Variants in PRKN observed in about 807,000 individuals in gnomAD.
PRKN encodes E3 ubiquitin-protein ligase parkin.
In PRKN, 56 loss-of-function variants were observed where a neutral mutation model predicts 59.5. That is an observed-to-expected ratio of 0.94 (90% CI 0.76 to 1.18). The LOEUF is 1.18. Ranked by LOEUF, PRKN falls within the 50% of genes most tolerant of loss-of-function variation. The pLI, the probability that PRKN is intolerant of heterozygous loss-of-function variation, is 0.00. For synonymous variants in PRKN, 250 were observed against 222.1 expected, an observed-to-expected ratio of 1.13 and a Z score of -1.12; for missense variants, 657 against 596.4, an observed-to-expected ratio of 1.10 and a Z score of -1.06.
intron 7 of PRKN, among the ~76,000 whole-genome samples, chr6:161,612,800 G>A (rs1038522488): frequency 1.8e-4 from 27 of 151,590 alleles, no homozygotes; most frequent in African/African-American, 6.3e-4. Context: ...CAGGATGAGA[G>A]CACATTTGTT....
At chr6:161,541,130 G>A (rs370862589) in intron 9 of PRKN, among the ~76,000 whole-genome samples, 58 of 152,348 alleles carry the variant, frequency 3.8e-4, no homozygotes, top group African/African-American at 1.3e-3. Flanking sequence ...GACTGGAACT[G>A]TCCAGTAGAA....
chr6:162,588,701 G>A (rs1005329503), intron 1 of PRKN, among the ~76,000 whole-genome samples: 3 of 151,964 alleles, frequency 2.0e-5, no homozygotes, highest in Admixed American at 6.6e-5. Context: ...ACAGGCGCCC[G>A]CCACCACGCC....
intron 1 of PRKN, among the ~76,000 whole-genome samples, chr6:162,610,241 T>C (rs1165463793): frequency 6.6e-6 from 1 of 152,160 alleles, no homozygotes; most frequent in Non-Finnish European, 1.5e-5. Flanking sequence ...GGTATGTAAA[T>C]CATCCAAGGT....
At chr6:162,021,075 C>G (rs1407927003) in intron 5 of PRKN, among the ~76,000 whole-genome samples, 1 of 137,792 alleles carries the variant, frequency 7.3e-6, no homozygotes, top group Non-Finnish European at 1.5e-5. Context: ...TGCACTCCAG[C>G]CTGGGTGACA....
rs980559984 is a variant in PRKN at position 161,806,238 on chromosome 6, G to A, written c.735-20330C>T. On this transcript the variant is annotated intron_variant, in intron 6 of 11. Transcript: ENST00000366898. ...AGCTAGACACCAAAGTAGTGAAGCAGCCTGCCCATCTGCAGCAGAGGGTCC... is the reference window on the plus strand; with the variant it reads ...AGCTAGACACCAAAGTAGTGAAGCAACCTGCCCATCTGCAGCAGAGGGTCC... Among the ~76,000 whole-genome samples the A allele has an allele frequency of 3.3e-5, 5 of 152,230 alleles. No individual in the cohort carries two copies. In the Middle Eastern group the frequency reaches 0.014, roughly 417 times the overall value.
chr6:161,872,842 T>C (rs372269581), intron 6 of PRKN, among the ~76,000 whole-genome samples: 1 of 152,024 alleles, frequency 6.6e-6, no homozygotes, highest in East Asian at 1.9e-4. Flanking sequence ...AGGAGACCTG[T>C]CTTCATTTTT....
chr6:162,511,545 T>C (rs896321988), intron 1 of PRKN, among the ~76,000 whole-genome samples: 1 of 152,136 alleles, frequency 6.6e-6, no homozygotes, highest in Non-Finnish European at 1.5e-5. Context: ...ATGTAGATAA[T>C]TAAAAGGGAA....
Position 162,355,388 on chromosome 6 carries a change from A to AATCTATCTATCT in PRKN, c.171+87910_171+87921dup, listed in dbSNP as rs534864850. On this transcript the variant is annotated intron_variant, in intron 2 of 11. Coordinates refer to ENST00000366898, the MANE Select transcript of PRKN (RefSeq NM_004562.3). ...GAACTTAAATTTTAACACCATCTGT[A>AATCTATCTATCT]ATCTATCTATCTATCTATCTATATA... is the stretch of plus-strand genomic sequence containing the variant. Among the ~76,000 whole-genome samples the AATCTATCTATCT allele has an allele frequency of 2.9e-3, 446 of 151,470 alleles. 2 individuals carry two copies. The highest frequency in any genetic ancestry group is 0.01 in the African/African-American group (423 of 41,156).
At chr6:162,576,935 TCA>T (rs1259726449) in intron 1 of PRKN, among the ~76,000 whole-genome samples, 1 of 151,988 alleles carries the variant, frequency 6.6e-6, no homozygotes, top group African/African-American at 2.4e-5. Context: ...CAGGGTGGGC[TCA>T]GTTTCTTTCA....
chr6:161,480,798 A>G lies in PRKN; in HGVS notation c.1083+68056T>C, dbSNP rs528610280. Among the ~76,000 whole-genome samples the G allele has an allele frequency of 2.0e-5, 3 of 152,382 alleles. No individual in the cohort carries two copies. Among genetic ancestry groups the G allele is most frequent in the Admixed American group, 1.3e-4 (2 of 15,310 alleles). ...AAATACCTGCCTCAGCACATGCTGAAAGTATCAATAAAGAAAAGCAGGCAC... is the reference window on the plus strand; with the variant it reads ...AAATACCTGCCTCAGCACATGCTGAGAGTATCAATAAAGAAAAGCAGGCAC... On this transcript the variant is annotated intron_variant, in intron 9 of 11. Coordinates refer to ENST00000366898, the MANE Select transcript of PRKN (RefSeq NM_004562.3). This position sits in a 1 kb window ranked among gnomAD's most constrained non-coding sequence, Gnocchi z 4.1.
chr6:161,655,252 C>A (rs146928689), intron 7 of PRKN, among the ~76,000 whole-genome samples: 2 of 146,546 alleles, frequency 1.4e-5, no homozygotes, highest in Non-Finnish European at 3.0e-5. Context: ...CTGGGCCCAC[C>A]CATGCTCTCA....
At chr6:161,540,770 G>A (rs1779588308) in intron 9 of PRKN, among the ~76,000 whole-genome samples, 1 of 152,194 alleles carries the variant, frequency 6.6e-6, no homozygotes, top group African/African-American at 2.4e-5. Context: ...GCTTGTTCAA[G>A]CAATACATCT....
chr6:161,548,996 C>T lies in PRKN; in HGVS notation c.941G>A (p.Arg314Gln), dbSNP rs763652747. Residue 314 changes from arginine to glutamine, a missense_variant, in exon 9 of 12, where the codon CGG becomes CAG. Arg to Gln is a conservative substitution (Grantham distance 43). Transcript: ENST00000366898. The surrounding 1 kb of genome is among the most constrained non-coding windows in gnomAD (Gnocchi z 4.2). ...CTCCTCTGCACCATACTGCTGGTACCGGTTGTACTGCAAAACCCAAAAAGC... is the reference window on the plus strand; with the variant it reads ...CTCCTCTGCACCATACTGCTGGTACTGGTTGTACTGCAAAACCCAAAAAGC... Reference protein sequence around the residue: ...FRILGEEQYNRYQQYGAEECV... With the variant: ...FRILGEEQYNQYQQYGAEECV... The T allele has an allele frequency of 8.1e-6, 13 of 1,614,052 alleles. No individual in the cohort carries two copies. Among genetic ancestry groups the T allele is most frequent in the Admixed American group, 3.3e-5 (2 of 60,002 alleles).
chr6:161,474,966 G>A (rs1790993831), intron 9 of PRKN, among the ~76,000 whole-genome samples: 3 of 151,132 alleles, frequency 2.0e-5, no homozygotes, highest in South Asian at 2.1e-4. Flanking sequence ...GTGCAGTGGC[G>A]CAATCTCGGC....
chr6:161,752,399 A>G (rs1454952393), intron 7 of PRKN, among the ~76,000 whole-genome samples: 1 of 152,070 alleles, frequency 6.6e-6, no homozygotes, highest in East Asian at 1.9e-4. Flanking sequence ...AAACAAACAA[A>G]AAACTCGCTC....
At position 161,940,579 on chromosome 6, in the gene PRKN, A is replaced by G. The variant is rs1779525380; in HGVS notation, c.734+32723T>C. Among the ~76,000 whole-genome samples the G allele has an allele frequency of 2.0e-5, 3 of 152,376 alleles. No homozygotes were observed. In the South Asian group the frequency reaches 6.2e-4, roughly 32 times the overall value. ...GAACCAGAGGACATAAAGGTTCTTG[A>G]TAACATATGTATTTTTCATTCCTCA... On this transcript the variant is annotated intron_variant, in intron 6 of 11. Transcript: ENST00000366898.
In PRKN at chr6:161,446,145, G is replaced by C. The variant is rs1789481381; in HGVS notation, c.1084-59268C>G. 6.6e-6 allele frequency among the ~76,000 whole-genome samples: 1 copy of C among 152,158 alleles called. No homozygotes were observed. The highest frequency in any genetic ancestry group is 1.5e-5 in the Non-Finnish European group (1 of 68,032). On this transcript the variant is annotated intron_variant, in intron 9 of 11. Coordinates refer to ENST00000366898, the MANE Select transcript of PRKN (RefSeq NM_004562.3). This position sits in a 1 kb window ranked among gnomAD's most constrained non-coding sequence, Gnocchi z 6.2. Reference sequence around the variant, plus strand: ...GGTGGGAGGATCATCTGAGCCTGGGGAGGTCGAGGCCACAGTAAGCTAGGA... The same window carrying C: ...GGTGGGAGGATCATCTGAGCCTGGGCAGGTCGAGGCCACAGTAAGCTAGGA...
intron 8 of PRKN, among the ~76,000 whole-genome samples, chr6:161,553,006 A>T (rs1252637499): frequency 1.3e-5 from 2 of 150,902 alleles, no homozygotes; most frequent in African/African-American, 4.9e-5. Flanking sequence ...GGCCAGGATG[A>T]TCTCGATCTC....
Position 162,075,549 on chromosome 6 carries a change from A to G in PRKN, c.535-21375T>C, listed in dbSNP as rs144246371. On this transcript the variant is annotated intron_variant, in intron 4 of 11. Coordinates refer to ENST00000366898, the MANE Select transcript of PRKN (RefSeq NM_004562.3). ...AAGTCCACATTGTATTTAATTTTCT[A>G]TTGCTTCTATATAATGTACTGCCCG... Among the ~76,000 whole-genome samples, 77 of 152,120 alleles carry G rather than the reference A, an allele frequency of 5.1e-4. 1 individual carries two copies. In the East Asian group the frequency reaches 0.013, roughly 26 times the overall value.
Sources: allele counts gnomAD v4.1 joint callset (sites outside exome capture counted in the v4.1 genomes callset), GRCh38; gene constraint gnomAD v4.1.1; non-coding constraint Gnocchi (gnomAD v3.1); transcripts MANE v1.5; gene names NCBI Gene and HGNC (gene_info 2026-07-23, HGNC 2026-07-21).